Variants in MTG1 observed in about 807,000 individuals in gnomAD.
The protein encoded by MTG1 is mitochondrial ribosome associated GTPase 1, also known as mitochondrial ribosome-associated GTPase 1.
A neutral mutation model predicts 39.5 loss-of-function variants in MTG1; 30 were observed. That is an observed-to-expected ratio of 0.76 (90% CI 0.57 to 1.03). The LOEUF is 1.03. MTG1 is among the 50% of genes least tolerant of loss of function. MTG1 has a pLI of 0.00. For missense variants in MTG1, 513 were observed against 447.4 expected, an observed-to-expected ratio of 1.15 and a Z score of -1.32; for synonymous variants, 217 against 179.0, an observed-to-expected ratio of 1.21 and a Z score of -1.69.
At chr10:133,399,714 A>C (rs1849844338) in intron 6 of MTG1, 95 bp downstream of exon 6, 2 of 1,292,066 alleles carry the variant, frequency 1.5e-6, no homozygotes, top group Non-Finnish European at 2.2e-6. Flanking sequence ...GACGTGCCCG[A>C]GGAGCACTGC....
chr10:133,414,906 G>A lies in MTG1; in HGVS notation c.753-4574G>A, dbSNP rs111538284. 3.8e-3 allele frequency among the ~76,000 whole-genome samples: 581 copies of A among 152,378 alleles called. 7 individuals carry two copies. The highest frequency in any genetic ancestry group is 0.013 in the African/African-American group (547 of 41,592). On this transcript the variant is annotated intron_variant, in intron 9 of 10. Transcript: ENST00000317502. ...GCACTGAGTGAACGAGACTCCGTCT[G>A]CAATCCCTGCACCTCGGGAGGCCGA...
In MTG1 at chr10:133,394,314, C is replaced by T. The variant is rs1372152083; in HGVS notation, c.94C>T (p.Pro32Ser). 29 of 1,515,176 alleles carry T rather than the reference C, an allele frequency of 1.9e-5. No homozygotes were observed. Among genetic ancestry groups the T allele is most frequent in the Non-Finnish European group, 2.5e-5 (28 of 1,135,936 alleles). 93.9% of individuals were successfully genotyped at this position (1,515,176 alleles called of 1,614,324 possible). Residue 32 changes from proline to serine, a missense_variant, in exon 1 of 11, where the codon CCG becomes TCG. Pro to Ser is a moderately conservative substitution (Grantham distance 74). Transcript: ENST00000317502. The stretch of plus-strand genomic sequence containing the variant: ...CGGTCGCGACGTGGCGCGCTGGTTC[C>T]CGGGCCACATGGCCAAGGGTGAGGC... Reference protein sequence around the residue: ...LCGRDVARWFPGHMAKGLKKM... With the variant: ...LCGRDVARWFSGHMAKGLKKM...
At chr10:133,398,684 G>C (rs1245038977) in intron 4 of MTG1, among the ~76,000 whole-genome samples, 169 bp downstream of exon 4, 1 of 152,216 alleles carries the variant, frequency 6.6e-6, no homozygotes, top group Non-Finnish European at 1.5e-5. Flanking sequence ...GGGTCTCCCT[G>C]TACTGAGGGC....
intron 9 of MTG1, among the ~76,000 whole-genome samples, chr10:133,404,669 T>C (rs184538103): frequency 3.9e-5 from 6 of 152,288 alleles, no homozygotes; most frequent in African/African-American, 1.2e-4. Context: ...AGATAGATGG[T>C]TTTAGGTTTT....
At chr10:133,394,575 A>G in intron 1 of MTG1, 1 of 1,324,450 alleles carries the variant, frequency 7.6e-7, no homozygotes, top group Admixed American at 4.2e-5. Flanking sequence ...CCTCGGACCC[A>G]GGGCCTGCTT....
chr10:133,409,165 A>G (rs1298468176), intron 9 of MTG1, among the ~76,000 whole-genome samples: 4 of 151,564 alleles, frequency 2.6e-5, no homozygotes, highest in Non-Finnish European at 5.9e-5. Flanking sequence ...TTTTTAGCGT[A>G]GGTGTTTGTT....
intron 9 of MTG1, among the ~76,000 whole-genome samples, chr10:133,414,613 G>T (rs1240312516): frequency 6.6e-6 from 1 of 151,884 alleles, no homozygotes. Context: ...TGGGATGGCG[G>T]CCGGGAAGAG....
intron 9 of MTG1, among the ~76,000 whole-genome samples, chr10:133,409,144 GTCT>G (rs1280981575): frequency 1.3e-5 from 2 of 151,406 alleles, no homozygotes; most frequent in African/African-American, 4.9e-5. Flanking sequence ...GTTATTTGGA[GTCT>G]TCTGCTTTTT....
chr10:133,394,947 C>T (rs1229910445), intron 1 of MTG1, among the ~76,000 whole-genome samples: 1 of 152,160 alleles, frequency 6.6e-6, no homozygotes, highest in Non-Finnish European at 1.5e-5. Context: ...AGGCTGTGTC[C>T]TCGGTCTTCG....
chr10:133,409,308 A>G (rs1850011531), intron 9 of MTG1, among the ~76,000 whole-genome samples: 2 of 152,228 alleles, frequency 1.3e-5, no homozygotes, highest in African/African-American at 4.8e-5. Context: ...TTGATCATTC[A>G]GGAGCGTGTT....
chr10:133,394,316 G>A lies in MTG1; in HGVS notation c.96G>A (p.Pro32=). 2 of 1,510,698 alleles carry A rather than the reference G, an allele frequency of 1.3e-6. No homozygotes were observed. The highest frequency in any genetic ancestry group is 1.2e-5 in the South Asian group (1 of 81,230). The allele number at this position is 1,510,698 out of a possible 1,614,324, so 93.6% of individuals were successfully genotyped here. Residue 32 remains proline (P), a synonymous_variant, in exon 1 of 11, where the codon CCG becomes CCA. Transcript: ENST00000317502. The part of the protein sequence containing the change: ...LCGRDVARWF[P]GHMAKGLKKM... ...GTCGCGACGTGGCGCGCTGGTTCCC[G>A]GGCCACATGGCCAAGGGTGAGGCAC... is the stretch of plus-strand genomic sequence containing the variant.
intron 1 of MTG1, 25 bp from the exon 2 acceptor site, chr10:133,395,688 G>A (rs1426301777): frequency 1.6e-5 from 25 of 1,612,810 alleles, no homozygotes; most frequent in Non-Finnish European, 2.0e-5. Flanking sequence ...GAGCCCCTTC[G>A]CTGAGGCGTC....
intron 9 of MTG1, among the ~76,000 whole-genome samples, chr10:133,404,127 A>ATT (rs1564820386): frequency 1.3e-4 from 8 of 61,644 alleles, no homozygotes; most frequent in Non-Finnish European, 1.8e-4. Flanking sequence ...CTAAGTTTTA[A>ATT]TCTTTTTTTT....
chr10:133,400,191 C>CA lies in MTG1; in HGVS notation c.511+583dup, dbSNP rs925173690. Among the ~76,000 whole-genome samples the CA allele has an allele frequency of 6.5e-3, 896 of 137,756 alleles. 10 individuals are homozygous for CA. The highest frequency in any genetic ancestry group is 0.018 in the African/African-American group (672 of 37,450). The allele number at this position is 137,756 out of a possible 152,430, so 90.4% of individuals were successfully genotyped here. ...TGGGCGACAGAGCGAGACTCCGTCT[C>CA]AAAAAAAAAAAGAAAAGAAAAGAAA... is the stretch of plus-strand genomic sequence containing the variant. On this transcript the variant is annotated intron_variant, in intron 6 of 10. Transcript: ENST00000317502.
In MTG1 at chr10:133,402,320, C is replaced by T; in HGVS notation, c.670+75C>T. The stretch of plus-strand genomic sequence containing the variant: ...ACCCCACCTTTAGGGCTGGCTTTGG[C>T]ACAGGGCCCCTAGACGGGAGTTGTT... On this transcript the variant is annotated intron_variant, in intron 8 of 10. Transcript: ENST00000317502. This position sits in a 1 kb window ranked among gnomAD's most constrained non-coding sequence, Gnocchi z 4.7. 1.9e-6 allele frequency: 3 copies of T among 1,556,436 alleles called. No individual in the cohort carries two copies. Among genetic ancestry groups the T allele is most frequent in the East Asian group, 2.2e-5 (1 of 44,598 alleles).
rs140567313 is a variant in MTG1, at chr10:133,420,059, C to T, written c.899C>T (p.Ala300Val). Residue 300 changes from alanine (A) to valine (V), a missense_variant, in exon 11 of 11, where the codon GCG becomes GTG. By Grantham distance (64) the Ala-to-Val change is moderately conservative. Coordinates refer to ENST00000317502, the MANE Select transcript of MTG1 (RefSeq NM_138384.4). ...NVNIIQPNYPAAARDFLQTFR... is the reference protein window; with the variant it reads ...NVNIIQPNYPVAARDFLQTFR... ...AACATTATTCAGCCTAACTATCCTG[C>T]GGCAGCCCGTGACTTCCTGCAGACT... is the stretch of plus-strand genomic sequence containing the variant. 34 of 1,612,952 alleles carry T rather than the reference C, an allele frequency of 2.1e-5. No individual in the cohort carries two copies. The highest frequency in any genetic ancestry group is 1.6e-4 in the Middle Eastern group (1 of 6,080).
At chr10:133,405,868 A>G (rs1488032344) in intron 9 of MTG1, among the ~76,000 whole-genome samples, 1 of 152,164 alleles carries the variant, frequency 6.6e-6, no homozygotes, top group African/African-American at 2.4e-5. Context: ...GGATTGCTGG[A>G]TCCTATGGCA....
chr10:133,416,441 T>C (rs1244854854), intron 9 of MTG1, among the ~76,000 whole-genome samples: 1 of 151,714 alleles, frequency 6.6e-6, no homozygotes, highest in Non-Finnish European at 1.5e-5. Context: ...TTAGGGTACA[T>C]GTGCACAATG....
chr10:133,397,477 T>C (rs892689603), intron 3 of MTG1, among the ~76,000 whole-genome samples: 1 of 149,786 alleles, frequency 6.7e-6, no homozygotes, highest in Non-Finnish European at 1.5e-5. Flanking sequence ...TCTTGTGTCT[T>C]ATTTTCTTTT....
Sources: gnomAD v4.1 joint callset for allele counts (sites outside exome capture counted in the v4.1 genomes callset) on GRCh38, gnomAD v4.1.1 for gene constraint, Gnocchi (gnomAD v3.1) non-coding constraint, MANE v1.5 for transcripts, NCBI Gene and HGNC (gene_info 2026-07-23, HGNC 2026-07-21) for gene names.